Variants in RHBDL2 observed in about 807,000 individuals in gnomAD.
RHBDL2 encodes the protein rhomboid-related protein 2.
A neutral mutation model predicts 31.7 loss-of-function variants in RHBDL2; 26 were observed. The observed-to-expected ratio is 0.82, with a 90% CI of 0.60 to 1.14. The LOEUF is 1.14. RHBDL2 is among the 50% of genes most tolerant of loss of function. RHBDL2 has a pLI of 0.00. For synonymous variants in RHBDL2, 123 were observed against 127.2 expected (o/e 0.97, Z 0.22); for missense variants, 336 against 364.4 (o/e 0.92, Z 0.63).
intron 1 of RHBDL2, chr1:38,929,281 C>T: frequency 1.6e-6 from 1 of 628,824 alleles, no homozygotes; most frequent in South Asian, 1.7e-5. Flanking sequence ...GAAGATGGGG[C>T]TGGGAATTCC....
At chr1:38,925,092 T>C (rs1190887614) in intron 1 of RHBDL2, among the ~76,000 whole-genome samples, 1 of 152,106 alleles carries the variant, frequency 6.6e-6, no homozygotes, top group Non-Finnish European at 1.5e-5. Context: ...AAAAGAGATT[T>C]CTATAAAGAG....
chr1:38,888,218 C>CCATTTTACAGATTTATT (rs1642810588), intron 6 of RHBDL2, among the ~76,000 whole-genome samples, 194 bp from the exon 7 acceptor site: 1 of 152,020 alleles, frequency 6.6e-6, no homozygotes, highest in Admixed American at 6.6e-5. Flanking sequence ...TATCATTATC[C>CCATTTTACAGATTTATT]CATTTTACAG....
intron 1 of RHBDL2, among the ~76,000 whole-genome samples, chr1:38,924,132 T>C (rs566810375): frequency 7.1e-4 from 108 of 152,080 alleles, no homozygotes; most frequent in African/African-American, 2.5e-3. Flanking sequence ...TATTTTGAAA[T>C]GGTGGCCTCC....
intron 1 of RHBDL2, among the ~76,000 whole-genome samples, chr1:38,933,068 T>A (rs1043729309): frequency 1.3e-5 from 2 of 152,202 alleles, no homozygotes; most frequent in African/African-American, 4.8e-5. Flanking sequence ...GTCTTTGGGA[T>A]AGATATAGGA....
intron 6 of RHBDL2, among the ~76,000 whole-genome samples, chr1:38,891,547 C>A (rs75998891): frequency 0.011 from 1,706 of 152,306 alleles, 36 homozygotes; most frequent in African/African-American, 0.037. Flanking sequence ...CCCTGAACAA[C>A]TGAGGAGGCA....
chr1:38,934,013 C>A (rs1229319568), intron 1 of RHBDL2, among the ~76,000 whole-genome samples: 4 of 152,094 alleles, frequency 2.6e-5, no homozygotes, highest in Non-Finnish European at 4.4e-5. Flanking sequence ...CAGGAGTTAT[C>A]CACCGTGCTG....
intron 1 of RHBDL2, among the ~76,000 whole-genome samples, chr1:38,939,868 G>A (rs1461263309): frequency 2.0e-5 from 3 of 151,880 alleles, no homozygotes. Context: ...TTTGAGACAG[G>A]GTCTCGCTTG....
intron 2 of RHBDL2, among the ~76,000 whole-genome samples, chr1:38,917,541 C>A (rs954547836): frequency 6.6e-6 from 1 of 152,098 alleles, no homozygotes; most frequent in South Asian, 2.1e-4. Context: ...TTCACCTGGA[C>A]AAGACACACA....
chr1:38,904,390 G>A (rs4970636), intron 4 of RHBDL2, among the ~76,000 whole-genome samples: 23,253 of 151,918 alleles, frequency 0.15, 2,258 homozygotes, highest in Non-Finnish European at 0.22. Context: ...GGAGAATTGC[G>A]TGAACCCGGA....
intron 1 of RHBDL2, among the ~76,000 whole-genome samples, chr1:38,921,626 A>G (rs1240178531): frequency 6.6e-6 from 1 of 152,128 alleles, no homozygotes; most frequent in Non-Finnish European, 1.5e-5. Flanking sequence ...TAAATTGAGG[A>G]AGAGACATCT....
At chr1:38,928,410 G>A (rs1643402767) in intron 1 of RHBDL2, among the ~76,000 whole-genome samples, 1 of 150,728 alleles carries the variant, frequency 6.6e-6, no homozygotes, top group African/African-American at 2.4e-5. Context: ...CCAAAGTGCT[G>A]GGATTACAGG....
At chr1:38,907,407 G>A (rs1324728310) in intron 4 of RHBDL2, among the ~76,000 whole-genome samples, 1 of 152,200 alleles carries the variant, frequency 6.6e-6, no homozygotes, top group Admixed American at 6.5e-5. Flanking sequence ...AGGCATGGTG[G>A]TGGGCGCCTG....
chr1:38,918,483 T>C (rs1024939546), intron 2 of RHBDL2, among the ~76,000 whole-genome samples: 1 of 152,118 alleles, frequency 6.6e-6, no homozygotes, highest in African/African-American at 2.4e-5. Context: ...GAGGACTGAC[T>C]AGATCAGAGC....
At chr1:38,903,264 CA>C (rs1643018297) in intron 4 of RHBDL2, among the ~76,000 whole-genome samples, 1 of 151,878 alleles carries the variant, frequency 6.6e-6, no homozygotes. Context: ...CTCAGCCTCC[CA>C]AGTAGCTGGG....
intron 3 of RHBDL2, among the ~76,000 whole-genome samples, chr1:38,912,883 C>CATATATATATATATATATAT (rs141150431): frequency 5.3e-4 from 57 of 106,564 alleles, no homozygotes; most frequent in African/African-American, 2.6e-3. Flanking sequence ...TACCATATAC[C>CATATATATATATATATATAT]ATATATATAT....
intron 1 of RHBDL2, among the ~76,000 whole-genome samples, chr1:38,935,677 A>G (rs1643491394): frequency 6.6e-6 from 1 of 152,042 alleles, no homozygotes; most frequent in African/African-American, 2.4e-5. Context: ...TAGTGGCATG[A>G]TCTCAGCTCA....
Position 38,919,331 on chromosome 1 carries a change from G to C in RHBDL2, c.-119C>G, listed in dbSNP as rs758568110. On this transcript the variant is annotated 5_prime_UTR_variant, in exon 2 of 8. Transcript: ENST00000372990. ...TCTGGCGCAACGACTGCTTTCCAAG[G>C]CCTTTCCTGTATGTGAAGAGAAGAC... The C allele has an allele frequency of 1.6e-5, 25 of 1,592,688 alleles. No homozygotes were observed. Among genetic ancestry groups the C allele is most frequent in the Non-Finnish European group, 1.8e-5 (21 of 1,172,688 alleles).
intron 6 of RHBDL2, among the ~76,000 whole-genome samples, chr1:38,888,770 A>G (rs1018682108): frequency 2.0e-5 from 3 of 151,474 alleles, no homozygotes; most frequent in African/African-American, 7.3e-5. Flanking sequence ...TGAACCAGAA[A>G]ACTTAAGGGT....
intron 4 of RHBDL2, among the ~76,000 whole-genome samples, chr1:38,901,371 A>T (rs1642986107): frequency 6.7e-6 from 1 of 150,206 alleles, no homozygotes. Context: ...CCGAGACAGG[A>T]GAATTGCTTG....
Sources: allele counts gnomAD v4.1 joint callset (sites outside exome capture counted in the v4.1 genomes callset), GRCh38; gene constraint gnomAD v4.1.1; transcripts MANE v1.5; gene names NCBI Gene and HGNC (gene_info 2026-07-23, HGNC 2026-07-21).